The following ATP6V0E1 variants were observed in gnomAD, a reference collection of about 807,000 sequenced individuals.
ATP6V0E1 encodes the protein V-type proton ATPase subunit e 1.
A neutral mutation model predicts 11.6 loss-of-function variants in ATP6V0E1; 4 were observed. The ratio of observed to expected loss-of-function variants is 0.35; its 90% CI spans 0.17 to 0.79. The LOEUF (loss-of-function observed/expected upper bound fraction) is 0.79, where lower values mean the gene tolerates loss of function less well. Ranked by LOEUF, ATP6V0E1 falls within the 30% of genes least tolerant of loss-of-function variation. ATP6V0E1 has a pLI of 0.54. For synonymous variants in ATP6V0E1, 36 were observed against 34.8 expected (o/e 1.04, Z -0.13); for missense variants, 105 against 100.0 (o/e 1.05, Z -0.21).
At chr5:172,988,327 T>C (rs1755928921) in intron 1 of ATP6V0E1, among the ~76,000 whole-genome samples, 1 of 152,234 alleles carries the variant, frequency 6.6e-6, no homozygotes, top group Non-Finnish European at 1.5e-5. Flanking sequence ...TTGGTTGGAT[T>C]GAGCAGTGTC....
intron 2 of ATP6V0E1, among the ~76,000 whole-genome samples, chr5:172,998,903 G>T (rs1027473100): frequency 4.6e-5 from 7 of 152,166 alleles, no homozygotes; most frequent in African/African-American, 1.7e-4. Context: ...CACTTTGGGA[G>T]GCTGAGGCAG....
intron 3 of ATP6V0E1, 21 bp from the exon 4 acceptor site, chr5:173,034,378 C>T: frequency 1.4e-6 from 1 of 702,764 alleles, no homozygotes; most frequent in Non-Finnish European, 2.6e-6. Context: ...GACCAGTTAC[C>T]AGAATGGTTT....
chr5:172,995,293 G>C (rs576024070), intron 2 of ATP6V0E1, among the ~76,000 whole-genome samples: 1 of 152,128 alleles, frequency 6.6e-6, no homozygotes, highest in Non-Finnish European at 1.5e-5. Flanking sequence ...TAGTGGAGAC[G>C]GGTTTGCCAT....
chr5:173,016,068 T>C (rs1756394576), intron 2 of ATP6V0E1, among the ~76,000 whole-genome samples: 1 of 152,128 alleles, frequency 6.6e-6, no homozygotes, highest in East Asian at 1.9e-4. Flanking sequence ...TTCCCTGAGC[T>C]CCGCGAGCTG....
chr5:173,018,810 G>A (rs1756439582), intron 2 of ATP6V0E1, among the ~76,000 whole-genome samples: 2 of 150,582 alleles, frequency 1.3e-5, no homozygotes, highest in African/African-American at 2.5e-5. Context: ...TCAGACATTT[G>A]CATATTTTTT....
chr5:172,990,346 C>G (rs1335217477), intron 1 of ATP6V0E1, among the ~76,000 whole-genome samples: 2 of 152,104 alleles, frequency 1.3e-5, no homozygotes, highest in Non-Finnish European at 2.9e-5. Flanking sequence ...TCCCTCTTTT[C>G]TCTAAAGGAA....
At chr5:173,000,202 C>T (rs541047835) in intron 2 of ATP6V0E1, among the ~76,000 whole-genome samples, 1 of 152,228 alleles carries the variant, frequency 6.6e-6, no homozygotes, top group South Asian at 2.1e-4. Context: ...CCGTGAGGCT[C>T]AACTTGTTTG....
chr5:173,008,374 A>G (rs1276880834), intron 2 of ATP6V0E1, among the ~76,000 whole-genome samples: 1 of 143,088 alleles, frequency 7.0e-6, no homozygotes, highest in Non-Finnish European at 1.5e-5. Context: ...ATCTTGGCTC[A>G]CTGCAACGCT....
chr5:172,986,088 T>TA (rs1755893181), intron 1 of ATP6V0E1, among the ~76,000 whole-genome samples: 1 of 152,202 alleles, frequency 6.6e-6, no homozygotes, highest in African/African-American at 2.4e-5. Context: ...GTAGGGCACT[T>TA]ACCATGAATG....
chr5:173,018,202 C>T (rs376301674), intron 2 of ATP6V0E1, among the ~76,000 whole-genome samples: 34 of 152,052 alleles, frequency 2.2e-4, no homozygotes, highest in African/African-American at 7.2e-4. Context: ...AATTTGTATA[C>T]GTATTATATC....
At chr5:173,015,477 T>C (rs1756386431) in intron 2 of ATP6V0E1, among the ~76,000 whole-genome samples, 1 of 152,172 alleles carries the variant, frequency 6.6e-6, no homozygotes, top group Non-Finnish European at 1.5e-5. Flanking sequence ...GTTGGGACTT[T>C]CAGCCCCACA....
rs113166135 is a variant in ATP6V0E1, at chr5:172,996,090, T to C, written c.152+1268T>C. Among the ~76,000 whole-genome samples, 1,320 of 152,298 alleles carry C rather than the reference T, an allele frequency of 8.7e-3. 19 individuals are homozygous for C. Among genetic ancestry groups the C allele is most frequent in the African/African-American group, 0.03 (1,260 of 41,548 alleles). On this transcript the variant is annotated intron_variant, in intron 2 of 3. Coordinates refer to ENST00000519374, the MANE Select transcript of ATP6V0E1 (RefSeq NM_003945.4). ...TCCTATAGATGAAAGACCATGACTT[T>C]TTTTTCCAGAAACATTTTAATAAAA... is the stretch of plus-strand genomic sequence containing the variant.
intron 1 of ATP6V0E1, among the ~76,000 whole-genome samples, chr5:172,991,699 A>G (rs1755979451): frequency 6.6e-6 from 1 of 152,198 alleles, no homozygotes; most frequent in African/African-American, 2.4e-5. Flanking sequence ...GAATTTCTTT[A>G]GCACAATCCC....
intron 1 of ATP6V0E1, among the ~76,000 whole-genome samples, chr5:172,994,340 T>C (rs996409850): frequency 5.9e-5 from 9 of 152,170 alleles, no homozygotes; most frequent in Non-Finnish European, 1.3e-4. Context: ...GAAATTCTGC[T>C]GATGAGAGAT....
At chr5:173,001,646 C>G (rs1014076341) in intron 2 of ATP6V0E1, among the ~76,000 whole-genome samples, 1 of 152,108 alleles carries the variant, frequency 6.6e-6, no homozygotes, top group East Asian at 1.9e-4. Flanking sequence ...AGCACTTTGG[C>G]TGATTGGTTT....
chr5:172,990,845 A>G (rs1165296746), intron 1 of ATP6V0E1, among the ~76,000 whole-genome samples: 1 of 151,844 alleles, frequency 6.6e-6, no homozygotes, highest in Non-Finnish European at 1.5e-5. Flanking sequence ...AAAAAAAAAA[A>G]AAAATACAGA....
chr5:173,020,231 C>G lies in ATP6V0E1; in HGVS notation c.153-7C>G. ...GCTTCGTTGTTTCTCTCCCATCCTT[C>G]TTTTAGTTGGCTGATTGCAATTCTG... On this transcript the variant is annotated splice_region_variant and splice_polypyrimidine_tract_variant and intron_variant, in intron 2 of 3. Transcript: ENST00000519374. The G allele has an allele frequency of 6.2e-7, 1 of 1,609,292 alleles. No individual in the cohort carries two copies. The highest frequency in any genetic ancestry group is 8.5e-7 in the Non-Finnish European group (1 of 1,175,762).
chr5:173,014,748 G>C (rs1274222339), intron 2 of ATP6V0E1, among the ~76,000 whole-genome samples: 1 of 143,066 alleles, frequency 7.0e-6, no homozygotes, highest in East Asian at 3.0e-4. Context: ...ATAAAGAGTA[G>C]CACAATGGGT....
intron 2 of ATP6V0E1, among the ~76,000 whole-genome samples, chr5:173,019,144 C>T (rs930113483): frequency 3.9e-5 from 6 of 152,080 alleles, no homozygotes; most frequent in East Asian, 1.9e-4. Context: ...TTTATAGAGA[C>T]GGGTTCTCAC....
Sources: allele counts gnomAD v4.1 joint callset (sites outside exome capture counted in the v4.1 genomes callset), GRCh38; gene constraint gnomAD v4.1.1; transcripts MANE v1.5; gene names NCBI Gene and HGNC (gene_info 2026-07-23, HGNC 2026-07-21).